The following SLC39A12 variants were observed in gnomAD, a reference collection of about 807,000 sequenced individuals.
SLC39A12 encodes the protein solute carrier family 39 member 12.
A neutral mutation model predicts 71.1 loss-of-function variants in SLC39A12; 63 were observed. That is an observed-to-expected ratio of 0.89 (90% CI 0.72 to 1.09). The LOEUF is 1.09. Ranked by LOEUF, SLC39A12 falls within the 50% of genes least tolerant of loss-of-function variation. SLC39A12 has a pLI of 0.00. For missense variants in SLC39A12, 892 were observed against 812.6 expected (o/e 1.10, Z -1.19); for synonymous variants, 351 against 301.3 (o/e 1.16, Z -1.71).
At chr10:17,973,797 T>C (rs2130797938) in intron 4 of SLC39A12, among the ~76,000 whole-genome samples, 1 of 152,228 alleles carries the variant, frequency 6.6e-6, no homozygotes, top group African/African-American at 2.4e-5. Context: ...GGAAGTTCTC[T>C]GTTATTATCC....
intron 4 of SLC39A12, among the ~76,000 whole-genome samples, chr10:17,968,468 C>G (rs1834888580): frequency 1.3e-5 from 2 of 152,116 alleles, no homozygotes; most frequent in Admixed American, 6.5e-5. Flanking sequence ...GAACTTTACC[C>G]AAGTGGTAAA....
intron 12 of SLC39A12, among the ~76,000 whole-genome samples, chr10:18,015,659 G>C (rs1287928928): frequency 1.3e-5 from 2 of 151,902 alleles, no homozygotes; most frequent in African/African-American, 2.4e-5. Context: ...AATTTTTAGA[G>C]TGACAGAACT....
At chr10:17,985,667 G>A (rs1409044872) in intron 6 of SLC39A12, among the ~76,000 whole-genome samples, 1 of 152,062 alleles carries the variant, frequency 6.6e-6, no homozygotes, top group Non-Finnish European at 1.5e-5. Context: ...ACAAGCAGAT[G>A]AAAATGATGC....
At chr10:17,980,983 A>G (rs1348216100) in intron 5 of SLC39A12, among the ~76,000 whole-genome samples, 1 of 152,124 alleles carries the variant, frequency 6.6e-6, no homozygotes, top group African/African-American at 2.4e-5. Flanking sequence ...AAGAACAAAA[A>G]CATCAGGACA....
intron 4 of SLC39A12, among the ~76,000 whole-genome samples, chr10:17,966,922 C>A (rs890378072): frequency 1.3e-5 from 2 of 151,514 alleles, no homozygotes; most frequent in Admixed American, 6.6e-5. Flanking sequence ...TGCGGTATGT[C>A]GAGATTGCGC....
At chr10:17,972,534 T>A (rs565785098) in intron 4 of SLC39A12, among the ~76,000 whole-genome samples, 1 of 152,302 alleles carries the variant, frequency 6.6e-6, no homozygotes, top group East Asian at 1.9e-4. Flanking sequence ...AGTGCATATA[T>A]ATTTAAAATT....
intron 12 of SLC39A12, among the ~76,000 whole-genome samples, chr10:18,019,573 C>G (rs571812552): frequency 6.6e-6 from 1 of 152,010 alleles, no homozygotes; most frequent in Non-Finnish European, 1.5e-5. Flanking sequence ...AGCACACTTT[C>G]ACTCTTATCT....
intron 2 of SLC39A12, among the ~76,000 whole-genome samples, 200 bp downstream of exon 2, chr10:17,953,737 T>C (rs953338658): frequency 1.3e-5 from 2 of 152,196 alleles, no homozygotes; most frequent in Non-Finnish European, 2.9e-5. Flanking sequence ...GACATTTTTG[T>C]TGTTGAAAGG....
chr10:17,973,335 T>G (rs4747336), intron 4 of SLC39A12, among the ~76,000 whole-genome samples: 55,163 of 152,006 alleles, frequency 0.36, 10,773 homozygotes, highest in African/African-American at 0.5. Flanking sequence ...AGTGAGTTTT[T>G]TACCTTCAGG....
intron 12 of SLC39A12, among the ~76,000 whole-genome samples, chr10:18,028,672 G>A (rs1369254978): frequency 5.9e-5 from 9 of 152,100 alleles, no homozygotes; most frequent in African/African-American, 2.2e-4. Flanking sequence ...GCTTCGACTT[G>A]ACTAGGAATG....
chr10:18,014,795 C>T (rs1836329828), intron 12 of SLC39A12, among the ~76,000 whole-genome samples: 1 of 152,078 alleles, frequency 6.6e-6, no homozygotes, highest in Admixed American at 6.6e-5. Context: ...ATAGTGAATG[C>T]CAGGTACAAA....
In SLC39A12 at chr10:17,987,656, T is replaced by G; in HGVS notation, c.1269+5T>G. The G allele has an allele frequency of 1.9e-6, 3 of 1,613,906 alleles. No individual in the cohort carries two copies. The highest frequency in any genetic ancestry group is 2.5e-6 in the Non-Finnish European group (3 of 1,179,980). ...CTGCTCCACCTTATCCCTCAGGTAATCTGGTCTTTTCCATTTCAGATAAAG... is the reference window on the plus strand; with the variant it reads ...CTGCTCCACCTTATCCCTCAGGTAAGCTGGTCTTTTCCATTTCAGATAAAG... On this transcript the variant is annotated splice_donor_5th_base_variant and intron_variant, in intron 7 of 12. Coordinates refer to ENST00000377369, the MANE Select transcript of SLC39A12 (RefSeq NM_001145195.2).
intron 12 of SLC39A12, among the ~76,000 whole-genome samples, chr10:18,012,134 G>A (rs1836243876): frequency 6.6e-6 from 1 of 152,118 alleles, no homozygotes; most frequent in African/African-American, 2.4e-5. Context: ...TCAACAGAGT[G>A]TTGAGGATTC....
chr10:17,967,113 A>G (rs930738805), intron 4 of SLC39A12, among the ~76,000 whole-genome samples: 3 of 152,048 alleles, frequency 2.0e-5, no homozygotes, highest in South Asian at 2.1e-4. Context: ...CACTTCTTCC[A>G]TCTTTTCTAT....
Position 17,977,583 on chromosome 10 carries a change from A to G in SLC39A12, c.752-319A>G, listed in dbSNP as rs570277263. Among the ~76,000 whole-genome samples the G allele has an allele frequency of 5.3e-5, 8 of 152,306 alleles. No individual in the cohort carries two copies. In the South Asian group the frequency reaches 1.5e-3, roughly 28 times the overall value. ...TTCACGGCTTTTCTTTCTTTTGCAT[A>G]TACACTTAAAAGGAAAACAATTTGA... is the stretch of plus-strand genomic sequence containing the variant. On this transcript the variant is annotated intron_variant, in intron 4 of 12. Coordinates refer to ENST00000377369, the MANE Select transcript of SLC39A12 (RefSeq NM_001145195.2).
At chr10:18,041,437 A>C (rs1837220854) in intron 12 of SLC39A12, among the ~76,000 whole-genome samples, 1 of 150,858 alleles carries the variant, frequency 6.6e-6, no homozygotes. Context: ...CAGACATTGC[A>C]GTAAGCTGAG....
At chr10:17,964,637 T>C (rs1453071589) in intron 3 of SLC39A12, among the ~76,000 whole-genome samples, 2 of 152,186 alleles carry the variant, frequency 1.3e-5, no homozygotes, top group African/African-American at 4.8e-5. Context: ...TTGAAAAAGG[T>C]CCTGTGTCCT....
intron 6 of SLC39A12, among the ~76,000 whole-genome samples, chr10:17,982,470 G>A (rs1835286026): frequency 6.6e-6 from 1 of 151,864 alleles, no homozygotes; most frequent in South Asian, 2.1e-4. Flanking sequence ...GAGAGAGCCT[G>A]CAATAGCAAT....
intron 3 of SLC39A12, among the ~76,000 whole-genome samples, chr10:17,962,614 CATT>C (rs1834720701): frequency 6.6e-6 from 1 of 151,420 alleles, no homozygotes; most frequent in Non-Finnish European, 1.5e-5. Context: ...ATGGGGAAAT[CATT>C]TTTTTTTGAA....
Sources: allele counts gnomAD v4.1 joint callset (sites outside exome capture counted in the v4.1 genomes callset), GRCh38; gene constraint gnomAD v4.1.1; transcripts MANE v1.5; gene names NCBI Gene and HGNC (gene_info 2026-07-23, HGNC 2026-07-21).